Variants in ANKRD28 observed in about 807,000 individuals in gnomAD.
ANKRD28 encodes the protein ankyrin repeat domain 28.
A neutral mutation model predicts 126.5 loss-of-function variants in ANKRD28; 44 were observed. That is an observed-to-expected ratio of 0.35 (90% CI 0.27 to 0.45). The LOEUF is 0.45. ANKRD28 is among the 20% of genes least tolerant of loss of function. ANKRD28 has a pLI of 1.00. For synonymous variants in ANKRD28, 442 were observed against 468.5 expected (o/e 0.94, Z 0.73); for missense variants, 1,110 against 1,316.6 (o/e 0.84, Z 2.43).
In ANKRD28 at chr3:15,812,285, G is replaced by A. The variant is rs1409255251; in HGVS notation, c.28-16979C>T. 6.6e-6 allele frequency among the ~76,000 whole-genome samples: 1 copy of A among 151,200 alleles called. No individual in the cohort carries two copies. Among genetic ancestry groups the A allele is most frequent in the African/African-American group, 2.4e-5 (1 of 41,230 alleles). On this transcript the variant is annotated intron_variant, in intron 1 of 27. Coordinates refer to the ANKRD28 transcript ENST00000399451. This position sits in a 1 kb window ranked among gnomAD's most constrained non-coding sequence, Gnocchi z 4.1. ...TCCCAGCTACTTGGGAGGCTGAGAT[G>A]GGAAACTATACCATTATCTTAATTT...
chr3:15,851,591 A>G (rs1012878114), intron 1 of ANKRD28, among the ~76,000 whole-genome samples: 3 of 145,114 alleles, frequency 2.1e-5, no homozygotes, highest in African/African-American at 7.6e-5. Flanking sequence ...AAATAAATAA[A>G]AGAGATACAA....
chr3:15,680,410 T>G (rs759782791), intron 21 of ANKRD28, among the ~76,000 whole-genome samples: 1 of 152,082 alleles, frequency 6.6e-6, no homozygotes, highest in Non-Finnish European at 1.5e-5. Flanking sequence ...TTTCACCATG[T>G]TGGTCAGGCT....
chr3:15,810,426 A>G (rs997042815), intron 1 of ANKRD28, among the ~76,000 whole-genome samples: 1 of 152,202 alleles, frequency 6.6e-6, no homozygotes, highest in Non-Finnish European at 1.5e-5. Context: ...CATTATTTAC[A>G]ACAAAAGACT....
intron 2 of ANKRD28, among the ~76,000 whole-genome samples, chr3:15,767,633 G>C (rs1346759465): frequency 7.0e-6 from 1 of 143,052 alleles, no homozygotes; most frequent in East Asian, 2.2e-4. Flanking sequence ...AGGCTGAGGT[G>C]GCGGGTGGAT....
intron 27 of ANKRD28, among the ~76,000 whole-genome samples, chr3:15,673,405 T>C (rs2066579516): frequency 6.6e-6 from 1 of 152,230 alleles, no homozygotes; most frequent in Non-Finnish European, 1.5e-5. Flanking sequence ...AGCCTCCACT[T>C]GCTCAGGCAC....
Position 15,797,519 on chromosome 3 carries a change from T to C in ANKRD28, c.-998A>G, listed in dbSNP as rs1431584622. The C allele has an allele frequency of 2.0e-6, 2 of 984,952 alleles. No individual in the cohort carries two copies. The highest frequency in any genetic ancestry group is 1.2e-6 in the Non-Finnish European group (1 of 829,876). 61.0% of individuals were successfully genotyped at this position (984,952 alleles called of 1,614,324 possible). ...CAGGCTGTGAAGGAATTAGAAGGCA[T>C]TTGAGCTCAAATTACTGCTTCAGGC... On this transcript the variant is annotated 5_prime_UTR_variant, in exon 1 of 28. An upstream start codon of the reference 5' UTR is lost. Coordinates refer to ENST00000683139, the MANE Select transcript of ANKRD28 (RefSeq NM_001349278.2).
chr3:15,670,690 G>T, intron 27 of ANKRD28, 134 bp from the exon 28 acceptor site: 1 of 918,124 alleles, frequency 1.1e-6, no homozygotes, highest in Non-Finnish European at 1.6e-6. Context: ...GCTGTAACCA[G>T]CATGATTCGC....
At chr3:15,712,446 G>C (rs1461403505) in intron 10 of ANKRD28, among the ~76,000 whole-genome samples, 2 of 152,088 alleles carry the variant, frequency 1.3e-5, no homozygotes, top group Non-Finnish European at 2.9e-5. Flanking sequence ...TGTCATTATG[G>C]ACTTTGCTGG....
intron 6 of ANKRD28, among the ~76,000 whole-genome samples, chr3:15,726,699 T>C (rs1008780603): frequency 2.0e-4 from 31 of 152,228 alleles, no homozygotes; most frequent in African/African-American, 7.5e-4. Flanking sequence ...GGTGGCTACA[T>C]TAAACAGCAG....
At chr3:15,790,147 TG>T (rs2059961948) in intron 2 of ANKRD28, among the ~76,000 whole-genome samples, 1 of 152,000 alleles carries the variant, frequency 6.6e-6, no homozygotes, top group African/African-American at 2.4e-5. Flanking sequence ...AGATCAAAGC[TG>T]TAATAAAAAG....
intron 2 of ANKRD28, among the ~76,000 whole-genome samples, chr3:15,793,428 G>A (rs2060123895): frequency 6.6e-6 from 1 of 152,142 alleles, no homozygotes; most frequent in Non-Finnish European, 1.5e-5. Flanking sequence ...TTACTCTCAA[G>A]AAAGGCCTAC....
chr3:15,699,982 A>G (rs912117367), intron 14 of ANKRD28, among the ~76,000 whole-genome samples: 1 of 152,226 alleles, frequency 6.6e-6, no homozygotes, highest in Admixed American at 6.5e-5. Flanking sequence ...CTTGGAACCA[A>G]CCCAAATGTC....
At chr3:15,842,058 A>T (rs1361722994) in intron 1 of ANKRD28, among the ~76,000 whole-genome samples, 3 of 147,714 alleles carry the variant, frequency 2.0e-5, no homozygotes, top group Non-Finnish European at 4.5e-5. Context: ...CATAATTTAT[A>T]TATAATTTTA....
At chr3:15,720,498 C>G (rs1466695252) in intron 8 of ANKRD28, among the ~76,000 whole-genome samples, 1 of 152,152 alleles carries the variant, frequency 6.6e-6, no homozygotes, top group Non-Finnish European at 1.5e-5. Flanking sequence ...TATTTTCCTT[C>G]TAAGAGAAAA....
chr3:15,854,914 T>G lies in ANKRD28; in HGVS notation c.27+4463A>C, dbSNP rs879605422. Among the ~76,000 whole-genome samples, 3 of 151,830 alleles carry G rather than the reference T, an allele frequency of 2.0e-5. No homozygotes were observed. Among genetic ancestry groups the G allele is most frequent in the Non-Finnish European group, 4.4e-5 (3 of 67,930 alleles). On this transcript the variant is annotated intron_variant, in intron 1 of 27. Coordinates refer to the ANKRD28 transcript ENST00000399451. This position sits in a 1 kb window ranked among gnomAD's most constrained non-coding sequence, Gnocchi z 4.1. ...AATTACAAAAATTAGCTGGGTGTGGTGGTGGGCGCCTGTAGTCCCAGCTAC... is the reference window on the plus strand; with the variant it reads ...AATTACAAAAATTAGCTGGGTGTGGGGGTGGGCGCCTGTAGTCCCAGCTAC...
intron 27 of ANKRD28, among the ~76,000 whole-genome samples, chr3:15,672,274 G>C (rs1311677369): frequency 6.6e-6 from 1 of 151,568 alleles, no homozygotes; most frequent in Non-Finnish European, 1.5e-5. Context: ...CCCCTGACTA[G>C]CTCTGACTAT....
intron 1 of ANKRD28, among the ~76,000 whole-genome samples, chr3:15,822,722 A>G (rs2060972279): frequency 2.6e-5 from 4 of 152,188 alleles, no homozygotes; most frequent in Non-Finnish European, 4.4e-5. Context: ...GGGAACCAGA[A>G]TGTCATCTCA....
intron 27 of ANKRD28, 56 bp downstream of exon 27, chr3:15,675,842 A>G (rs914075102): frequency 1.5e-6 from 2 of 1,367,462 alleles, no homozygotes; most frequent in Admixed American, 2.2e-5. Context: ...CTCTTCAAAT[A>G]TGGATCAAAA....
At chr3:15,700,335 T>C (rs1355624512) in intron 14 of ANKRD28, among the ~76,000 whole-genome samples, 1 of 151,750 alleles carries the variant, frequency 6.6e-6, no homozygotes, top group East Asian at 1.9e-4. Flanking sequence ...TTAGGATAAA[T>C]ACCTAATGTA....
Sources: gnomAD v4.1 joint callset for allele counts (sites outside exome capture counted in the v4.1 genomes callset) on GRCh38, gnomAD v4.1.1 for gene constraint, Gnocchi (gnomAD v3.1) non-coding constraint, MANE v1.5 for transcripts, NCBI Gene and HGNC (gene_info 2026-07-23, HGNC 2026-07-21) for gene names.